MAGI2: variants seen among roughly 807,000 people sequenced by gnomAD.
MAGI2 encodes the protein membrane-associated guanylate kinase, WW and PDZ domain-containing protein 2.
In MAGI2, 35 loss-of-function variants were observed where a neutral mutation model predicts 133.3. That is an observed-to-expected ratio of 0.26 (90% CI 0.20 to 0.35). The LOEUF (loss-of-function observed/expected upper bound fraction) is 0.35. Among genes scored for constraint, MAGI2 ranks in the 10% least tolerant of loss-of-function variants. The pLI, the probability that MAGI2 is intolerant of heterozygous loss-of-function variation, is 1.00. For missense variants in MAGI2, 1,636 were observed against 1,863.4 expected (o/e 0.88, Z 2.25); for synonymous variants, 729 against 710.6 (o/e 1.03, Z -0.41).
chr7:79,177,980 ACTT>A (rs1400516366), intron 1 of MAGI2, among the ~76,000 whole-genome samples: 1 of 152,076 alleles, frequency 6.6e-6, no homozygotes, highest in Non-Finnish European at 1.5e-5. Context: ...TGTTAAGACT[ACTT>A]CTCAAGATAT....
chr7:79,295,707 C>T (rs1033903257), intron 1 of MAGI2, among the ~76,000 whole-genome samples: 1 of 151,720 alleles, frequency 6.6e-6, no homozygotes, highest in Non-Finnish European at 1.5e-5. Flanking sequence ...GCTAGCTTTA[C>T]GAAAGCAGGA....
At chr7:79,108,912 G>C (rs1818672316) in intron 1 of MAGI2, among the ~76,000 whole-genome samples, 1 of 152,018 alleles carries the variant, frequency 6.6e-6, no homozygotes, top group Non-Finnish European at 1.5e-5. Flanking sequence ...TCTCTCTTTG[G>C]CTCCTGCTTT....
At chr7:79,279,721 T>TC (rs1835487550) in intron 1 of MAGI2, among the ~76,000 whole-genome samples, 1 of 152,210 alleles carries the variant, frequency 6.6e-6, no homozygotes, top group South Asian at 2.1e-4. Context: ...CATCTGTTTT[T>TC]CTCACTAAGT....
At chr7:78,077,403 A>AATATATATAT (rs3084740) in intron 21 of MAGI2, among the ~76,000 whole-genome samples, 24 of 148,682 alleles carry the variant, frequency 1.6e-4, no homozygotes, top group African/African-American at 4.2e-4. Flanking sequence ...GCTTATTGAT[A>AATATATATAT]ATATATATAT....
At chr7:78,585,513 G>A (rs2362640) in intron 3 of MAGI2, among the ~76,000 whole-genome samples, 1 of 151,858 alleles carries the variant, frequency 6.6e-6, no homozygotes, top group African/African-American at 2.4e-5. Context: ...CATAGGAACC[G>A]GGGGGACTGT....
chr7:78,420,518 T>C (rs1798699798), intron 6 of MAGI2, among the ~76,000 whole-genome samples: 1 of 151,850 alleles, frequency 6.6e-6, no homozygotes, highest in South Asian at 2.1e-4. Context: ...CTTATCTGCA[T>C]TGTTTGACTC....
chr7:78,440,557 G>T (rs1035837278), intron 6 of MAGI2, among the ~76,000 whole-genome samples: 1 of 152,124 alleles, frequency 6.6e-6, no homozygotes, highest in Non-Finnish European at 1.5e-5. Context: ...TAGCTTCTTG[G>T]CTAGGAAACA....
At chr7:78,945,687 T>C (rs1336098976) in intron 2 of MAGI2, among the ~76,000 whole-genome samples, 1 of 152,136 alleles carries the variant, frequency 6.6e-6, no homozygotes, top group African/African-American at 2.4e-5. Flanking sequence ...TCTATGAAAT[T>C]TCCCATCCTT....
intron 3 of MAGI2, among the ~76,000 whole-genome samples, chr7:78,569,432 C>T (rs937329686): frequency 3.4e-4 from 51 of 152,210 alleles, no homozygotes; most frequent in Admixed American, 3.0e-3. Flanking sequence ...CGCTAAACAC[C>T]CCACACTAAT....
chr7:79,438,539 A>G (rs1848294841), intron 1 of MAGI2, among the ~76,000 whole-genome samples: 2 of 152,112 alleles, frequency 1.3e-5, no homozygotes, highest in African/African-American at 2.4e-5. Context: ...TTTCTAGAAC[A>G]GCTAAAGCCA....
intron 3 of MAGI2, among the ~76,000 whole-genome samples, chr7:78,536,386 A>C (rs62468599): frequency 0.089 from 13,478 of 151,910 alleles, 626 homozygotes; most frequent in Non-Finnish European, 0.11. Flanking sequence ...TGCTGGGATT[A>C]CAGGCGTGAG....
intron 2 of MAGI2, among the ~76,000 whole-genome samples, chr7:78,680,118 T>C (rs1048037562): frequency 3.9e-5 from 6 of 152,154 alleles, no homozygotes; most frequent in Non-Finnish European, 5.9e-5. Flanking sequence ...TAGCCATAAG[T>C]TATCACAGTC....
At chr7:78,651,925 C>T (rs992660107) in intron 2 of MAGI2, among the ~76,000 whole-genome samples, 2 of 148,856 alleles carry the variant, frequency 1.3e-5, no homozygotes, top group African/African-American at 5.0e-5. Context: ...CTAGACCAGA[C>T]ACATTAACCA....
At chr7:78,570,435 G>A (rs977189574) in intron 3 of MAGI2, among the ~76,000 whole-genome samples, 1 of 152,104 alleles carries the variant, frequency 6.6e-6, no homozygotes, top group Non-Finnish European at 1.5e-5. Flanking sequence ...AAGTGGGGAA[G>A]AGAAGAGAGA....
At chr7:78,804,920 T>G (rs37880) in intron 2 of MAGI2, among the ~76,000 whole-genome samples, 50,911 of 151,002 alleles carry the variant, frequency 0.34, 9,031 homozygotes, top group East Asian at 0.52. Flanking sequence ...ATACAAAAAT[T>G]AGCTGGGTGC....
At chr7:79,072,395 G>A (rs1815068792) in intron 1 of MAGI2, among the ~76,000 whole-genome samples, 1 of 152,120 alleles carries the variant, frequency 6.6e-6, no homozygotes, top group African/African-American at 2.4e-5. Context: ...ATTGAAGGCT[G>A]TTATTGCCAC....
intron 4 of MAGI2, among the ~76,000 whole-genome samples, chr7:78,506,423 C>T (rs1396363096): frequency 6.6e-6 from 1 of 152,020 alleles, no homozygotes; most frequent in African/African-American, 2.4e-5. Flanking sequence ...CTAGATGGTA[C>T]TATAATTTTA....
intron 1 of MAGI2, among the ~76,000 whole-genome samples, chr7:79,077,577 A>T (rs1392123200): frequency 1.1e-5 from 1 of 93,258 alleles, no homozygotes; most frequent in South Asian, 3.4e-4. Context: ...TGCCTCTCAA[A>T]AAAAAAAAAA....
At chr7:78,286,284 T>C (rs2151026206) in intron 9 of MAGI2, among the ~76,000 whole-genome samples, 1 of 152,256 alleles carries the variant, frequency 6.6e-6, no homozygotes, top group East Asian at 1.9e-4. Context: ...ACATTACAAA[T>C]ATCCACACTT....
Sources: gnomAD v4.1 joint callset for allele counts (sites outside exome capture counted in the v4.1 genomes callset) on GRCh38, gnomAD v4.1.1 for gene constraint, MANE v1.5 for transcripts, NCBI Gene and HGNC (gene_info 2026-07-23, HGNC 2026-07-21) for gene names.